The following RBFOX1 variants were observed in gnomAD, a reference collection of about 807,000 sequenced individuals.
RBFOX1 encodes RNA binding protein fox-1 homolog 1.
RBFOX1 carries 8 observed loss-of-function variants against 57.7 expected under a neutral mutation model. The ratio of observed to expected loss-of-function variants is 0.14; its 90% confidence interval spans 0.08 to 0.25. RBFOX1 has a LOEUF of 0.25. Among genes scored for constraint, RBFOX1 ranks in the 10% least tolerant of loss-of-function variants. The pLI is 1.00. For synonymous variants in RBFOX1, 326 were observed against 222.4 expected (o/e 1.47, Z -4.15); for missense variants, 611 against 548.5 (o/e 1.11, Z -1.14).
At chr16:6,514,455 C>G (rs1016223037) in intron 2 of RBFOX1, among the ~76,000 whole-genome samples, 1 of 152,152 alleles carries the variant, frequency 6.6e-6, no homozygotes, top group Non-Finnish European at 1.5e-5. Context: ...CTGCTGAGAT[C>G]ACACTTACCT....
At chr16:6,445,811 G>A (rs2094473314) in intron 2 of RBFOX1, among the ~76,000 whole-genome samples, 1 of 152,100 alleles carries the variant, frequency 6.6e-6, no homozygotes, top group Non-Finnish European at 1.5e-5. Context: ...TCGATTTCCT[G>A]ACCTCGTGAT....
At chr16:5,264,845 C>T (rs2062819806) in intron 1 of RBFOX1, among the ~76,000 whole-genome samples, 1 of 152,096 alleles carries the variant, frequency 6.6e-6, no homozygotes, top group South Asian at 2.1e-4. Flanking sequence ...TAGCCTTAGT[C>T]TTAGGGCAAG....
chr16:5,479,031 A>C (rs9941136), intron 2 of RBFOX1, among the ~76,000 whole-genome samples: 28,500 of 152,046 alleles, frequency 0.19, 3,263 homozygotes, highest in East Asian at 0.36. Context: ...TTCCTCACAA[A>C]TTATCTTAAT....
chr16:7,261,290 T>C (rs1175992629), intron 4 of RBFOX1, among the ~76,000 whole-genome samples: 4 of 152,198 alleles, frequency 2.6e-5, no homozygotes, highest in East Asian at 3.9e-4. Context: ...TAAAGTGGAA[T>C]TGATGAATGG....
chr16:7,499,567 C>T (rs541749851), intron 4 of RBFOX1, among the ~76,000 whole-genome samples: 1 of 152,062 alleles, frequency 6.6e-6, no homozygotes, highest in South Asian at 2.1e-4. Flanking sequence ...TAATTTTTGG[C>T]TACATTGACT....
At chr16:6,105,509 A>T (rs754270890) in intron 1 of RBFOX1, among the ~76,000 whole-genome samples, 3 of 152,196 alleles carry the variant, frequency 2.0e-5, no homozygotes, top group Non-Finnish European at 4.4e-5. Flanking sequence ...ATGCTGATGC[A>T]AGCAAAGCAA....
In RBFOX1 at chr16:7,699,094, G is replaced by A. The variant is rs755707667; in HGVS notation, c.996-9962G>A. On this transcript the variant is annotated intron_variant, in intron 14 of 15. Coordinates refer to ENST00000550418, the MANE Select transcript of RBFOX1 (RefSeq NM_018723.4). ...CCCTGAGATTCTGATTCATAAGTCC[G>A]GAGAGGGAGCCTGGAAATCTGCATT... Among the ~76,000 whole-genome samples the A allele has an allele frequency of 6.6e-5, 10 of 152,236 alleles. No homozygotes were observed. The South Asian group carries it at 1.0e-3, about 16-fold the overall frequency.
intron 1 of RBFOX1, among the ~76,000 whole-genome samples, chr16:5,354,458 G>C (rs1423566851): frequency 6.6e-6 from 1 of 152,208 alleles, no homozygotes; most frequent in African/African-American, 2.4e-5. Flanking sequence ...CGGTTTTCTT[G>C]TGTGTAATGG....
chr16:5,731,573 G>C (rs145142915), intron 3 of RBFOX1, among the ~76,000 whole-genome samples: 62 of 152,264 alleles, frequency 4.1e-4, no homozygotes, highest in African/African-American at 1.3e-3. Context: ...TCTTGCTTCT[G>C]AGATTAGCAA....
intron 11 of RBFOX1, among the ~76,000 whole-genome samples, chr16:7,640,259 G>C (rs1028700290): frequency 6.6e-6 from 1 of 152,200 alleles, no homozygotes; most frequent in African/African-American, 2.4e-5. Flanking sequence ...ACCACTAGTA[G>C]AACCTCTCAC....
chr16:7,417,865 C>T (rs185295498), intron 4 of RBFOX1, among the ~76,000 whole-genome samples: 35 of 152,268 alleles, frequency 2.3e-4, no homozygotes, highest in Non-Finnish European at 4.6e-4. Flanking sequence ...GACGCACTTT[C>T]GTTCCTCTGT....
chr16:7,142,545 G>A (rs1001085888), intron 4 of RBFOX1, among the ~76,000 whole-genome samples: 23 of 152,038 alleles, frequency 1.5e-4, no homozygotes, highest in African/African-American at 5.1e-4. Flanking sequence ...CCGCATGGCC[G>A]GCTCTTTCTT....
At chr16:6,744,373 C>G (rs1366222594) in intron 3 of RBFOX1, among the ~76,000 whole-genome samples, 2 of 152,028 alleles carry the variant, frequency 1.3e-5, no homozygotes, top group Non-Finnish European at 2.9e-5. Flanking sequence ...GTAGAACCCT[C>G]TATCCTAAAA....
At chr16:5,499,168 A>G (rs528720362) in intron 2 of RBFOX1, among the ~76,000 whole-genome samples, 1 of 152,224 alleles carries the variant, frequency 6.6e-6, no homozygotes. Context: ...CTGAGGGTAG[A>G]AACTGGCTAT....
rs138140931 is a variant in RBFOX1, at chr16:7,099,618, C to T, written c.27+47520C>T. 4.2e-3 allele frequency among the ~76,000 whole-genome samples: 637 copies of T among 152,144 alleles called. 4 individuals are homozygous for T. The highest frequency in any genetic ancestry group is 7.1e-3 in the Non-Finnish European group (485 of 67,988). On this transcript the variant is annotated intron_variant, in intron 4 of 15. Coordinates refer to ENST00000550418, the MANE Select transcript of RBFOX1 (RefSeq NM_018723.4). ...TCAGGAGGTCCTGAGGACACGTGCC[C>T]AAGGTGGTTGGGGTATAGCTTGCTT...
At chr16:5,515,656 A>G (rs1005514186) in intron 2 of RBFOX1, among the ~76,000 whole-genome samples, 2 of 152,172 alleles carry the variant, frequency 1.3e-5, no homozygotes, top group African/African-American at 4.8e-5. Flanking sequence ...TATAAATTAG[A>G]TTAATCTAAG....
chr16:6,476,648 T>C (rs576779493), intron 2 of RBFOX1, among the ~76,000 whole-genome samples: 1 of 152,332 alleles, frequency 6.6e-6, no homozygotes, highest in South Asian at 2.1e-4. Flanking sequence ...GATGGCTTTG[T>C]ACTGGTCAGG....
At chr16:6,757,766 T>A (rs912878230) in intron 3 of RBFOX1, among the ~76,000 whole-genome samples, 3 of 152,170 alleles carry the variant, frequency 2.0e-5, no homozygotes. Flanking sequence ...CAATTTATTG[T>A]ACATTTCAAA....
Position 6,979,379 on chromosome 16 carries a change from G to A in RBFOX1, c.-15-72678G>A, listed in dbSNP as rs868206004. Among the ~76,000 whole-genome samples, 217 of 55,084 alleles carry A rather than the reference G, an allele frequency of 3.9e-3. 1 individual carries two copies. Among genetic ancestry groups the A allele is most frequent in the Middle Eastern group, 0.026 (3 of 116 alleles). 36.1% of individuals were successfully genotyped at this position (55,084 alleles called of 152,430 possible). A position where few individuals can be genotyped will look rare whatever the true frequency, so the allele number is the denominator to read the frequency against. On this transcript the variant is annotated intron_variant, in intron 3 of 15. Transcript: ENST00000550418. ...TTATGAAAACATTAGTTGAACCTGAGCACTTTCCATTGTGCGATAGACCCA... is the reference window on the plus strand; with the variant it reads ...TTATGAAAACATTAGTTGAACCTGAACACTTTCCATTGTGCGATAGACCCA...
Sources: gnomAD v4.1 joint callset for allele counts (sites outside exome capture counted in the v4.1 genomes callset) on GRCh38, gnomAD v4.1.1 for gene constraint, MANE v1.5 for transcripts, NCBI Gene and HGNC (gene_info 2026-07-23, HGNC 2026-07-21) for gene names.